RHOBTB1: variants seen among roughly 807,000 people sequenced by gnomAD.
The protein encoded by RHOBTB1 is rho-related BTB domain-containing protein 1.
In RHOBTB1, 40 loss-of-function variants were observed where a neutral mutation model predicts 71.6. The observed-to-expected ratio is 0.56, with a 90% CI of 0.43 to 0.73. RHOBTB1 has a LOEUF of 0.73. Ranked by LOEUF, RHOBTB1 falls within the 30% of genes least tolerant of loss-of-function variation. The probability of loss-of-function intolerance (pLI) is 0.00; values close to 1 mark genes in which losing one functional copy is unlikely to be tolerated. For synonymous variants in RHOBTB1, 319 were observed against 334.9 expected (o/e 0.95, Z 0.52); for missense variants, 797 against 894.0 (o/e 0.89, Z 1.38).
chr10:60,949,294 A>G (rs969052551), intron 2 of RHOBTB1, among the ~76,000 whole-genome samples: 1 of 152,198 alleles, frequency 6.6e-6, no homozygotes, highest in African/African-American at 2.4e-5. Flanking sequence ...TGTCATGGAT[A>G]TGTCAACATC....
intron 1 of RHOBTB1, among the ~76,000 whole-genome samples, chr10:61,001,127 C>G (rs969241899): frequency 1.3e-5 from 2 of 152,040 alleles, no homozygotes; most frequent in Non-Finnish European, 2.9e-5. Flanking sequence ...GGAGGCTGCT[C>G]AAGACACCCA....
chr10:60,940,223 G>A (rs374497246), intron 2 of RHOBTB1, among the ~76,000 whole-genome samples: 11 of 152,068 alleles, frequency 7.2e-5, no homozygotes, highest in African/African-American at 1.2e-4. Context: ...GGGGTTATCA[G>A]CACATTAAAA....
rs1043866193 is a variant in RHOBTB1 at position 60,934,811 on chromosome 10, G to A, written c.-11+6993C>T. Among the ~76,000 whole-genome samples, 23 of 152,272 alleles carry A rather than the reference G, an allele frequency of 1.5e-4. No homozygotes were observed. In the South Asian group the frequency reaches 1.7e-3, roughly 11 times the overall value. On this transcript the variant is annotated intron_variant, in intron 2 of 10. Transcript: ENST00000337910. ...AGATATCTTGATGAAACGGAGAGCT[G>A]GTGAACGTGTATTGTAAAGAGCCAG...
At chr10:60,900,478 T>C (rs1275344037) in intron 4 of RHOBTB1, among the ~76,000 whole-genome samples, 3 of 152,220 alleles carry the variant, frequency 2.0e-5, no homozygotes, top group Non-Finnish European at 4.4e-5. Context: ...CTGACACCTC[T>C]AGTTCAGCAT....
intron 2 of RHOBTB1, among the ~76,000 whole-genome samples, chr10:60,935,484 G>A (rs1009258028): frequency 1.1e-4 from 17 of 152,016 alleles, no homozygotes; most frequent in African/African-American, 3.9e-4. Flanking sequence ...CAATAAAAAC[G>A]TTTTTAGTTC....
intron 2 of RHOBTB1, among the ~76,000 whole-genome samples, chr10:60,979,733 A>G (rs2086431470): frequency 1.3e-5 from 2 of 152,222 alleles, no homozygotes; most frequent in Admixed American, 6.5e-5. Flanking sequence ...GCAAGTATCA[A>G]AGAGAGAAAT....
downstream of RHOBTB1, among the ~76,000 whole-genome samples, chr10:60,864,847 T>C (rs968910822): frequency 1.3e-5 from 2 of 152,148 alleles, no homozygotes; most frequent in Non-Finnish European, 2.9e-5. Flanking sequence ...CCTGCCACCA[T>C]GCCCAGCTAA....
intron 2 of RHOBTB1, among the ~76,000 whole-genome samples, chr10:60,929,136 G>A (rs1043073799): frequency 3.9e-5 from 6 of 152,182 alleles, no homozygotes; most frequent in South Asian, 2.1e-4. Flanking sequence ...CTCCCACCAG[G>A]CCCCTCCTTC....
At chr10:60,998,090 T>C (rs538161102) in intron 1 of RHOBTB1, among the ~76,000 whole-genome samples, 5 of 152,280 alleles carry the variant, frequency 3.3e-5, no homozygotes, top group African/African-American at 9.6e-5. Context: ...CCGTAAAATA[T>C]GGGGTTGTAC....
intron 2 of RHOBTB1, among the ~76,000 whole-genome samples, chr10:60,964,011 C>T (rs1204873309): frequency 1.3e-5 from 2 of 152,110 alleles, no homozygotes; most frequent in African/African-American, 4.8e-5. Flanking sequence ...TGTCTCACAA[C>T]ATTCTCTACC....
chr10:60,877,730 T>C (rs182961153), intron 8 of RHOBTB1, among the ~76,000 whole-genome samples, 178 bp downstream of exon 8: 19 of 152,342 alleles, frequency 1.2e-4, no homozygotes, highest in African/African-American at 4.6e-4. Flanking sequence ...TTAAGAAATA[T>C]ATGTTGAATT....
At chr10:60,952,431 C>G (rs1002571103) in intron 2 of RHOBTB1, among the ~76,000 whole-genome samples, 8 of 152,140 alleles carry the variant, frequency 5.3e-5, no homozygotes, top group African/African-American at 1.9e-4. Flanking sequence ...GGGCATGAAG[C>G]CAAATGCTTT....
At chr10:60,974,420 T>C (rs995916245) in intron 2 of RHOBTB1, among the ~76,000 whole-genome samples, 3 of 152,106 alleles carry the variant, frequency 2.0e-5, no homozygotes, top group Non-Finnish European at 4.4e-5. Flanking sequence ...ATAAGGAGAA[T>C]ACAATGAATA....
chr10:60,909,964 G>C (rs906861874), intron 4 of RHOBTB1, among the ~76,000 whole-genome samples: 1 of 152,182 alleles, frequency 6.6e-6, no homozygotes, highest in Non-Finnish European at 1.5e-5. Flanking sequence ...CTACTGGCTT[G>C]TAGAAATAGA....
intron 8 of RHOBTB1, among the ~76,000 whole-genome samples, chr10:60,876,962 T>C (rs2081079127): frequency 6.6e-6 from 1 of 152,256 alleles, no homozygotes; most frequent in African/African-American, 2.4e-5. Context: ...CGAAAGCTAA[T>C]ATGCTCAGGC....
At chr10:60,873,325 G>A (rs1375589076) in intron 9 of RHOBTB1, among the ~76,000 whole-genome samples, 1 of 152,160 alleles carries the variant, frequency 6.6e-6, no homozygotes, top group Admixed American at 6.5e-5. Flanking sequence ...GCCATGATGG[G>A]AGTATTTATA....
At chr10:60,969,493 G>A (rs186625200) in intron 2 of RHOBTB1, among the ~76,000 whole-genome samples, 3 of 152,202 alleles carry the variant, frequency 2.0e-5, no homozygotes, top group African/African-American at 7.2e-5. Flanking sequence ...GTGAAGTGTT[G>A]GAAAGGAGCT....
intron 2 of RHOBTB1, among the ~76,000 whole-genome samples, chr10:60,977,961 T>C (rs969170538): frequency 4.6e-5 from 7 of 152,048 alleles, no homozygotes; most frequent in Non-Finnish European, 7.4e-5. Context: ...AGGAAAGAAA[T>C]AGATCACTTA....
intron 2 of RHOBTB1, among the ~76,000 whole-genome samples, chr10:60,954,860 T>C (rs995946757): frequency 2.6e-5 from 4 of 152,112 alleles, no homozygotes; most frequent in Non-Finnish European, 5.9e-5. Flanking sequence ...TTATTTAACA[T>C]AAATGGTCAA....
Sources: gnomAD v4.1 joint callset for allele counts (sites outside exome capture counted in the v4.1 genomes callset) on GRCh38, gnomAD v4.1.1 for gene constraint, MANE v1.5 for transcripts, NCBI Gene and HGNC (gene_info 2026-07-23, HGNC 2026-07-21) for gene names.